NAALADL2: variants seen among roughly 807,000 people sequenced by gnomAD.
NAALADL2 encodes N-acetylated alpha-linked acidic dipeptidase like 2.
A neutral mutation model predicts 87.2 loss-of-function variants in NAALADL2; 76 were observed. The ratio of observed to expected loss-of-function variants is 0.87; its 90% CI spans 0.72 to 1.05. The LOEUF (loss-of-function observed/expected upper bound fraction) is 1.05, where lower values mean the gene tolerates loss of function less well. Among genes scored for constraint, NAALADL2 ranks in the 50% least tolerant of loss-of-function variants. NAALADL2 has a pLI of 0.00. For synonymous variants in NAALADL2, 354 were observed against 331.0 expected, an observed-to-expected ratio of 1.07 and a Z score of -0.75; for missense variants, 1,089 against 945.8, an observed-to-expected ratio of 1.15 and a Z score of -1.99.
intron 2 of NAALADL2, among the ~76,000 whole-genome samples, chr3:174,608,414 C>T (rs1444668500): frequency 6.0e-4 from 90 of 150,778 alleles, no homozygotes; most frequent in Middle Eastern, 3.4e-3. Flanking sequence ...ATTGATAGAC[C>T]GCTAGCAAGA....
chr3:175,558,194 CAAAAAAAAA>C (rs71164638), intron 9 of NAALADL2, among the ~76,000 whole-genome samples: 10 of 82,432 alleles, frequency 1.2e-4, no homozygotes, highest in African/African-American at 2.3e-4. Context: ...GACCCCGTCT[CAAAAAAAAA>C]AAAAAAAAAA....
intron 2 of NAALADL2, among the ~76,000 whole-genome samples, chr3:175,129,058 C>T (rs561741750): frequency 1.3e-5 from 2 of 151,924 alleles, no homozygotes; most frequent in African/African-American, 4.8e-5. Flanking sequence ...CCTGTCTCAG[C>T]CCCTGGAGTA....
chr3:174,531,534 A>G (rs1721241829), intron 1 of NAALADL2, among the ~76,000 whole-genome samples: 1 of 152,178 alleles, frequency 6.6e-6, no homozygotes. Flanking sequence ...GTTCACTGAG[A>G]GTCAATCTTT....
rs76969711 is a variant in NAALADL2, at chr3:174,861,515, C to T, written c.43+2065C>T. Among the ~76,000 whole-genome samples, 391 of 152,174 alleles carry T rather than the reference C, an allele frequency of 2.6e-3. 1 individual carries two copies. The highest frequency in any genetic ancestry group is 9.1e-3 in the African/African-American group (377 of 41,558). On this transcript the variant is annotated intron_variant, in intron 1 of 13. Transcript: ENST00000454872. Reference sequence around the variant, plus strand: ...TTCTGAGGTTCTTTCAAATAATACTCATTGTCAGCTCCACTTACAAACGGA... The same window carrying T: ...TTCTGAGGTTCTTTCAAATAATACTTATTGTCAGCTCCACTTACAAACGGA...
intron 5 of NAALADL2, among the ~76,000 whole-genome samples, chr3:175,341,766 A>G (rs1356796589): frequency 1.3e-5 from 2 of 152,160 alleles, no homozygotes; most frequent in East Asian, 1.9e-4. Flanking sequence ...CCAACATCAT[A>G]GACATTTACA....
chr3:174,452,205 A>G (rs973466999), intron 1 of NAALADL2, among the ~76,000 whole-genome samples: 2 of 152,112 alleles, frequency 1.3e-5, no homozygotes, highest in South Asian at 4.2e-4. Context: ...TCTGCATTTT[A>G]GTAGCTTTCT....
At chr3:175,464,785 A>G (rs543457450) in intron 7 of NAALADL2, among the ~76,000 whole-genome samples, 1 of 152,342 alleles carries the variant, frequency 6.6e-6, no homozygotes, top group East Asian at 1.9e-4. Context: ...ACAATGTTGA[A>G]CAACCTCTGA....
At chr3:175,610,289 C>T (rs1001640497) in intron 10 of NAALADL2, among the ~76,000 whole-genome samples, 3 of 152,222 alleles carry the variant, frequency 2.0e-5, no homozygotes. Context: ...CATTTATCTA[C>T]ATTTCTGTGT....
intron 1 of NAALADL2, among the ~76,000 whole-genome samples, chr3:174,460,978 A>C (rs755076369): frequency 1.3e-5 from 2 of 151,996 alleles, no homozygotes; most frequent in Non-Finnish European, 1.5e-5. Flanking sequence ...CCGTACTACT[A>C]GTATGACAGC....
At chr3:175,170,678 G>A (rs529232721) in intron 2 of NAALADL2, among the ~76,000 whole-genome samples, 1 of 151,054 alleles carries the variant, frequency 6.6e-6, no homozygotes, top group Admixed American at 6.6e-5. Flanking sequence ...ATAATCATTG[G>A]GACATTGTTT....
chr3:175,617,970 T>C (rs567758500), intron 10 of NAALADL2, among the ~76,000 whole-genome samples: 8 of 152,264 alleles, frequency 5.3e-5, no homozygotes, highest in Admixed American at 4.6e-4. Context: ...TGTAGGGTCC[T>C]CCAATGGTAC....
At chr3:175,769,452 A>G (rs910813573) in intron 13 of NAALADL2, among the ~76,000 whole-genome samples, 4 of 152,240 alleles carry the variant, frequency 2.6e-5, no homozygotes, top group African/African-American at 9.6e-5. Context: ...ACAAGGGCCT[A>G]GAGGCCATAG....
intron 4 of NAALADL2, among the ~76,000 whole-genome samples, chr3:175,305,557 T>C (rs763248814): frequency 2.0e-5 from 3 of 152,150 alleles, no homozygotes; most frequent in Non-Finnish European, 4.4e-5. Flanking sequence ...AGTTTTGCTC[T>C]TGTTGTCCAG....
At chr3:174,524,064 A>G (rs1720508147) in intron 1 of NAALADL2, among the ~76,000 whole-genome samples, 1 of 152,094 alleles carries the variant, frequency 6.6e-6, no homozygotes, top group Non-Finnish European at 1.5e-5. Flanking sequence ...TTCTGAATTA[A>G]CAACAACTCC....
At chr3:174,526,011 A>G (rs1720713301) in intron 1 of NAALADL2, among the ~76,000 whole-genome samples, 1 of 152,228 alleles carries the variant, frequency 6.6e-6, no homozygotes, top group Non-Finnish European at 1.5e-5. Flanking sequence ...GTATCTAAAT[A>G]TAGGCTAATC....
At chr3:175,794,338 C>A (rs1022989658) in intron 13 of NAALADL2, among the ~76,000 whole-genome samples, 5 of 151,008 alleles carry the variant, frequency 3.3e-5, no homozygotes, top group Non-Finnish European at 7.4e-5. Context: ...AGAAAATGGT[C>A]GCGATGAAAT....
chr3:174,785,808 G>T (rs6802866), intron 3 of NAALADL2, among the ~76,000 whole-genome samples: 35,964 of 152,042 alleles, frequency 0.24, 4,457 homozygotes, highest in Middle Eastern at 0.3. Context: ...TATGATTTTT[G>T]AATGGGTTTC....
chr3:175,083,076 G>A (rs1341439853), intron 1 of NAALADL2, among the ~76,000 whole-genome samples: 1 of 152,146 alleles, frequency 6.6e-6, no homozygotes, highest in Non-Finnish European at 1.5e-5. Context: ...AGTTCTGAAA[G>A]GCATATGTAA....
intron 9 of NAALADL2, among the ~76,000 whole-genome samples, chr3:175,522,194 A>G (rs1348136898): frequency 6.6e-6 from 1 of 152,174 alleles, no homozygotes; most frequent in Non-Finnish European, 1.5e-5. Flanking sequence ...TAAGCACATT[A>G]TTTAAAATTA....
Sources: gnomAD v4.1 joint callset for allele counts (sites outside exome capture counted in the v4.1 genomes callset) on GRCh38, gnomAD v4.1.1 for gene constraint, MANE v1.5 for transcripts, NCBI Gene and HGNC (gene_info 2026-07-23, HGNC 2026-07-21) for gene names.